ATP9B: variants seen among roughly 807,000 people sequenced by gnomAD.
ATP9B encodes probable phospholipid-transporting ATPase IIB.
ATP9B carries 110 observed loss-of-function variants against 146.1 expected under a neutral mutation model. The observed-to-expected ratio is 0.75, with a 90% confidence interval of 0.65 to 0.88. ATP9B has a LOEUF of 0.88. Ranked by LOEUF, ATP9B falls within the 40% of genes least tolerant of loss-of-function variation. The pLI, the probability that ATP9B is intolerant of heterozygous loss-of-function variation, is 0.00. For synonymous variants in ATP9B, 604 were observed against 569.7 expected (o/e 1.06, Z -0.86); for missense variants, 1,499 against 1,496.4 (o/e 1.00, Z -0.03).
intron 15 of ATP9B, among the ~76,000 whole-genome samples, chr18:79,328,036 G>GTGGTTAGCGTGCTCTCTC (rs2096769170): frequency 4.1e-5 from 6 of 147,956 alleles, no homozygotes; most frequent in Non-Finnish European, 7.4e-5. Context: ...CGTGCTCTCC[G>GTGGTTAGCGTGCTCTCTC]TGGTTAGCGT....
chr18:79,086,637 G>T (rs957387061), intron 1 of ATP9B, among the ~76,000 whole-genome samples: 1 of 151,698 alleles, frequency 6.6e-6, no homozygotes, highest in African/African-American at 2.4e-5. Flanking sequence ...AAATTTTTGG[G>T]TTTGCATTTA....
At chr18:79,241,882 G>C (rs950255656) in intron 11 of ATP9B, among the ~76,000 whole-genome samples, 1 of 152,132 alleles carries the variant, frequency 6.6e-6, no homozygotes, top group Non-Finnish European at 1.5e-5. Flanking sequence ...GTGACCCTTC[G>C]CTGCCATCTG....
At chr18:79,337,491 G>C in intron 19 of ATP9B, 42 bp downstream of exon 19, 3 of 1,585,056 alleles carry the variant, frequency 1.9e-6, no homozygotes, top group Non-Finnish European at 1.7e-6. Context: ...TGCTTTTGCT[G>C]AAGCAAACAG....
At chr18:79,319,764 T>C (rs1005275997) in intron 15 of ATP9B, among the ~76,000 whole-genome samples, 1 of 152,242 alleles carries the variant, frequency 6.6e-6, no homozygotes, top group East Asian at 1.9e-4. Flanking sequence ...AGGTGATGCA[T>C]GTATGTGATT....
intron 12 of ATP9B, among the ~76,000 whole-genome samples, chr18:79,274,508 G>A (rs1196056906): frequency 6.6e-6 from 1 of 152,070 alleles, no homozygotes; most frequent in African/African-American, 2.4e-5. Context: ...GGTAGTATAT[G>A]CATCCTATGT....
chr18:79,204,147 G>C (rs2148316499), intron 9 of ATP9B, among the ~76,000 whole-genome samples: 1 of 152,262 alleles, frequency 6.6e-6, no homozygotes, highest in East Asian at 1.9e-4. Context: ...AGCTACTTTA[G>C]TTATAAACAA....
chr18:79,280,480 T>C (rs1381141046), intron 13 of ATP9B, among the ~76,000 whole-genome samples: 1 of 152,234 alleles, frequency 6.6e-6, no homozygotes, highest in African/African-American at 2.4e-5. Context: ...AATGTTTGTG[T>C]ACTTAATAAA....
chr18:79,116,941 A>T (rs200473112), intron 4 of ATP9B, among the ~76,000 whole-genome samples: 70 of 57,032 alleles, frequency 1.2e-3, no homozygotes, highest in South Asian at 2.5e-3. Context: ...AAAAAAAATT[A>T]AAAAAAAAAA....
chr18:79,311,826 C>T (rs1373758303), intron 15 of ATP9B, among the ~76,000 whole-genome samples: 1 of 152,160 alleles, frequency 6.6e-6, no homozygotes, highest in Non-Finnish European at 1.5e-5. Flanking sequence ...GGGATGCCAC[C>T]GTGATGGGAC....
chr18:79,238,787 T>C (rs1287944281), intron 11 of ATP9B, among the ~76,000 whole-genome samples: 1 of 152,118 alleles, frequency 6.6e-6, no homozygotes, highest in African/African-American at 2.4e-5. Flanking sequence ...GTGGTGATCA[T>C]GGAGGAACCG....
chr18:79,205,157 C>G (rs930327932), intron 9 of ATP9B, among the ~76,000 whole-genome samples: 9 of 152,328 alleles, frequency 5.9e-5, no homozygotes, highest in African/African-American at 2.2e-4. Flanking sequence ...TACAAGGCAA[C>G]TGGAGGCCAA....
intron 15 of ATP9B, chr18:79,307,524 C>T (rs915816316): frequency 6.2e-5 from 22 of 352,354 alleles, no homozygotes; most frequent in South Asian, 3.4e-4. Flanking sequence ...TTACTGATTC[C>T]GTAAAGTAAT....
At chr18:79,268,650 A>C (rs1473640536) in intron 12 of ATP9B, among the ~76,000 whole-genome samples, 1 of 152,156 alleles carries the variant, frequency 6.6e-6, no homozygotes, top group Non-Finnish European at 1.5e-5. Flanking sequence ...TTGTTCTTAA[A>C]CCCCAAAGAA....
chr18:79,173,612 C>G, intron 7 of ATP9B: 1 of 439,126 alleles, frequency 2.3e-6, no homozygotes, highest in South Asian at 1.6e-5. Context: ...GTAAATGCAT[C>G]AAAAGTAGTT....
chr18:79,150,153 A>G (rs2094663201), intron 6 of ATP9B, among the ~76,000 whole-genome samples: 1 of 152,208 alleles, frequency 6.6e-6, no homozygotes, highest in Non-Finnish European at 1.5e-5. Context: ...TGCAAATTAA[A>G]ACACAATGAA....
chr18:79,268,943 A>G (rs1181526222), intron 12 of ATP9B, among the ~76,000 whole-genome samples: 1 of 151,726 alleles, frequency 6.6e-6, no homozygotes, highest in Non-Finnish European at 1.5e-5. Flanking sequence ...TTAAGACTTC[A>G]CTTCTTTGGG....
chr18:79,096,338 G>A, intron 1 of ATP9B, 138 bp from the exon 2 acceptor site: 1 of 770,110 alleles, frequency 1.3e-6, no homozygotes, highest in Non-Finnish European at 2.0e-6. Flanking sequence ...GCAAAAGAAA[G>A]CAGCCTCTGC....
intron 13 of ATP9B, among the ~76,000 whole-genome samples, chr18:79,282,773 A>G (rs1388266927): frequency 6.6e-6 from 1 of 152,012 alleles, no homozygotes; most frequent in African/African-American, 2.4e-5. Context: ...CTAGTTTCCT[A>G]TGTACTTCAT....
At chr18:79,072,109 A>C (rs972678065) in intron 1 of ATP9B, among the ~76,000 whole-genome samples, 3 of 148,152 alleles carry the variant, frequency 2.0e-5, no homozygotes, top group African/African-American at 7.5e-5. Context: ...AGATTGTGTA[A>C]ATTCTATTAA....
Sources: allele counts gnomAD v4.1 joint callset (sites outside exome capture counted in the v4.1 genomes callset), GRCh38; gene constraint gnomAD v4.1.1; transcripts MANE v1.5; gene names NCBI Gene and HGNC (gene_info 2026-07-23, HGNC 2026-07-21).